SEZ6L2: variants seen among roughly 807,000 people sequenced by gnomAD.
SEZ6L2 encodes the protein seizure 6-like protein 2.
Under a neutral mutation model 97.0 loss-of-function variants are expected in SEZ6L2, and 44 were observed. The observed-to-expected ratio is 0.45, with a 90% CI of 0.36 to 0.58. The LOEUF (loss-of-function observed/expected upper bound fraction) is 0.58, where lower values mean the gene tolerates loss of function less well. Ranked by LOEUF, SEZ6L2 falls within the 20% of genes least tolerant of loss-of-function variation. The pLI, the probability that SEZ6L2 is intolerant of heterozygous loss-of-function variation, is 0.00. For synonymous variants in SEZ6L2, 543 were observed against 546.1 expected, an observed-to-expected ratio of 0.99 and a Z score of 0.08; for missense variants, 1,086 against 1,233.3, an observed-to-expected ratio of 0.88 and a Z score of 1.79.
At position 29,879,859 on chromosome 16, in the gene SEZ6L2, C is replaced by G. The variant is rs200108082; in HGVS notation, c.1573+5G>C. The G allele has an allele frequency of 6.3e-7, 1 of 1,586,986 alleles. No individual in the cohort carries two copies. The highest frequency in any genetic ancestry group is 8.6e-7 in the Non-Finnish European group (1 of 1,162,870). ...AAGGACATGCCTGCGACAAGGAAGG[C>G]TCACCTTTGCAGGCCGGCTCTGTGT... On this transcript the variant is annotated splice_donor_5th_base_variant and intron_variant, in intron 9 of 17. Coordinates refer to ENST00000617533, the MANE Select transcript of SEZ6L2 (RefSeq NM_001243332.2).
intron 11 of SEZ6L2, 23 bp downstream of exon 11, chr16:29,877,248 C>G: frequency 6.5e-7 from 1 of 1,531,108 alleles, no homozygotes; most frequent in Non-Finnish European, 8.8e-7. Flanking sequence ...CCCTGCCCAT[C>G]CCGGGACTCT....
intron 12 of SEZ6L2, among the ~76,000 whole-genome samples, chr16:29,874,929 C>T (rs1037313654): frequency 4.6e-5 from 7 of 151,980 alleles, no homozygotes; most frequent in African/African-American, 1.7e-4. Context: ...AGCTGGAATG[C>T]AGTGGTGAGA....
Position 29,876,424 on chromosome 16 carries a change from T to G in SEZ6L2, c.2104+332A>C, listed in dbSNP as rs1293013851. Among the ~76,000 whole-genome samples the G allele has an allele frequency of 6.6e-6, 1 of 151,576 alleles. No individual in the cohort carries two copies. Among genetic ancestry groups the G allele is most frequent in the Non-Finnish European group, 1.5e-5 (1 of 67,932 alleles). ...AGTGGGAACCTGGTCGGAGCCCTTT[T>G]AGGGGCCAAACTCAGATGCCGCAGA... On this transcript the variant is annotated intron_variant, in intron 12 of 17. Coordinates refer to ENST00000617533, the MANE Select transcript of SEZ6L2 (RefSeq NM_001243332.2). This position sits in a 1 kb window ranked among gnomAD's most constrained non-coding sequence, Gnocchi z 6.5.
chr16:29,879,981 G>A lies in SEZ6L2; in HGVS notation c.1456C>T (p.Leu486=), dbSNP rs1037484682. The A allele has an allele frequency of 1.2e-6, 2 of 1,614,222 alleles. No homozygotes were observed. The highest frequency in any genetic ancestry group is 1.7e-6 in the Non-Finnish European group (2 of 1,180,044). Residue 486 remains leucine, a synonymous_variant, in exon 9 of 18, where the codon CTG becomes TTG. Transcript: ENST00000617533. ...CCTGGGAGGCACGAGAAGGTTGCCA[G>A]TGCCCCTGGGCGATACTCAGGGTCC... is the stretch of plus-strand genomic sequence containing the variant. ...TTDPEYRPGA[L]ATFSCLPGYA... is the part of the protein sequence containing the mutation.
intron 7 of SEZ6L2, 150 bp from the exon 8 acceptor site, chr16:29,885,899 A>C: frequency 1.5e-6 from 1 of 653,352 alleles, no homozygotes. Context: ...ATTCTATCTC[A>C]TTTAATTTTC....
intron 3 of SEZ6L2, 136 bp from the exon 4 acceptor site, chr16:29,895,996 T>C (rs2068379700): frequency 6.5e-6 from 6 of 930,092 alleles, no homozygotes; most frequent in Non-Finnish European, 9.4e-6. Flanking sequence ...AGGGTCTCGC[T>C]CTGTCACCCA....
intron 12 of SEZ6L2, among the ~76,000 whole-genome samples, chr16:29,875,286 G>A (rs1313703224): frequency 1.3e-5 from 2 of 152,184 alleles, no homozygotes; most frequent in Non-Finnish European, 2.9e-5. Context: ...ATTCAGCCAG[G>A]GAGTGGCAGA....
In SEZ6L2 at chr16:29,873,659, A is replaced by C; in HGVS notation, c.2175T>G (p.Val725=). The C allele has an allele frequency of 6.2e-7, 1 of 1,613,632 alleles. No homozygotes were observed. Among genetic ancestry groups the C allele is most frequent in the Non-Finnish European group, 8.5e-7 (1 of 1,179,884 alleles). Residue 725 remains valine, a synonymous_variant, in exon 13 of 18, where the codon GTT becomes GTG. Transcript: ENST00000617533. This position sits in a 1 kb window ranked among gnomAD's most constrained non-coding sequence, Gnocchi z 4.3. Reference sequence around the variant, plus strand: ...GGCAGCGGTACTGGACGTGGGAGCCAACGGGGAAGCCGGCGTCCGAGGCGG... The same window carrying C: ...GGCAGCGGTACTGGACGTGGGAGCCCACGGGGAAGCCGGCGTCCGAGGCGG... ...HRTASDAGFP[V]GSHVQYRCLP...
chr16:29,895,041 T>C (rs2068350162), intron 5 of SEZ6L2, among the ~76,000 whole-genome samples: 1 of 151,900 alleles, frequency 6.6e-6, no homozygotes, highest in African/African-American at 2.4e-5. Flanking sequence ...TAGCTGGGCA[T>C]GGTGGCGGGC....
chr16:29,897,847 C>T lies in SEZ6L2; in HGVS notation c.211+6G>A, dbSNP rs771527509. Reference sequence around the variant, plus strand: ...TAGGCCACTCCTGCCACTCTGGGGGCCTCACCTGGCAGGTAGCCCATCTCT... The same window carrying T: ...TAGGCCACTCCTGCCACTCTGGGGGTCTCACCTGGCAGGTAGCCCATCTCT... On this transcript the variant is annotated splice_donor_region_variant and intron_variant, in intron 2 of 17. Coordinates refer to ENST00000617533, the MANE Select transcript of SEZ6L2 (RefSeq NM_001243332.2). 1.9e-6 allele frequency: 3 copies of T among 1,598,622 alleles called. No individual in the cohort carries two copies. The highest frequency in any genetic ancestry group is 3.7e-5 in the Admixed American group (2 of 54,006).
At chr16:29,871,832 C>A in intron 17 of SEZ6L2, 104 bp from the exon 18 acceptor site, 1 of 1,005,146 alleles carries the variant, frequency 9.9e-7, no homozygotes, top group Non-Finnish European at 1.5e-6. Flanking sequence ...GTAACATTGA[C>A]CTCTAGGGGC....
Position 29,872,440 on chromosome 16 carries a change from G to A in SEZ6L2, c.2614C>T (p.Leu872Phe). 1 of 1,614,216 alleles carries A rather than the reference G, an allele frequency of 6.2e-7. No individual in the cohort carries two copies. The highest frequency in any genetic ancestry group is 8.5e-7 in the Non-Finnish European group (1 of 1,180,034). ...TAGTAGATGTAAACGCCACTGCCGAGGACAATGACCAAGCCTAGAGGCAGC... is the reference window on the plus strand; with the variant it reads ...TAGTAGATGTAAACGCCACTGCCGAAGACAATGACCAAGCCTAGAGGCAGC... ...ILLPLGLVIVLGSGVYIYYTK... is the reference protein window; with the variant it reads ...ILLPLGLVIVFGSGVYIYYTK... Residue 872 changes from leucine to phenylalanine, a missense_variant, in exon 16 of 18, where the codon CTC (leucine) becomes TTC (phenylalanine). Coordinates refer to ENST00000617533, the MANE Select transcript of SEZ6L2 (RefSeq NM_001243332.2).
chr16:29,882,796 A>G (rs973038969), intron 8 of SEZ6L2, among the ~76,000 whole-genome samples: 1 of 151,990 alleles, frequency 6.6e-6, no homozygotes, highest in East Asian at 1.9e-4. Context: ...AGGTCTTGCT[A>G]TGTTGCCCAG....
At chr16:29,874,696 G>T (rs774220988) in intron 12 of SEZ6L2, among the ~76,000 whole-genome samples, 1 of 150,212 alleles carries the variant, frequency 6.7e-6, no homozygotes, top group East Asian at 2.0e-4. Flanking sequence ...TCAGCCTCCC[G>T]AGTAGCTGCG....
intron 14 of SEZ6L2, 77 bp from the exon 15 acceptor site, chr16:29,872,820 G>A: frequency 1.6e-6 from 2 of 1,261,124 alleles, no homozygotes. Context: ...GGAGCCCGGT[G>A]GGGCTGGGCT....
chr16:29,892,515 C>T (rs2068290881), intron 5 of SEZ6L2, among the ~76,000 whole-genome samples: 1 of 152,228 alleles, frequency 6.6e-6, no homozygotes, highest in Non-Finnish European at 1.5e-5. Flanking sequence ...AAATACACGT[C>T]CCCCAGCTTG....
chr16:29,885,101 G>C (rs913896247), intron 8 of SEZ6L2, among the ~76,000 whole-genome samples: 1 of 152,150 alleles, frequency 6.6e-6, no homozygotes, highest in Non-Finnish European at 1.5e-5. Context: ...CCAGCTACTC[G>C]GGAGGCTGAG....
chr16:29,879,795 C>A, intron 9 of SEZ6L2, 69 bp downstream of exon 9: 2 of 1,401,376 alleles, frequency 1.4e-6, no homozygotes, highest in Non-Finnish European at 9.7e-7. Context: ...TTCTGAACGG[C>A]CTTGCTGGGA....
Position 29,873,816 on chromosome 16 carries a change from AT to A in SEZ6L2, c.2105-88del. ...CAGAGAGACCCCATCTCTACAAAAAATTGAAAAATTAGCCAGGAGTGGTGGC... is the reference window on the plus strand; with the variant it reads ...CAGAGAGACCCCATCTCTACAAAAAATGAAAAATTAGCCAGGAGTGGTGGC... On this transcript the variant is annotated intron_variant, in intron 12 of 17. Coordinates refer to ENST00000617533, the MANE Select transcript of SEZ6L2 (RefSeq NM_001243332.2). The surrounding 1 kb of genome is among the most constrained non-coding windows in gnomAD (Gnocchi z 4.3). 1 of 1,283,856 alleles carries A rather than the reference AT, an allele frequency of 7.8e-7. No homozygotes were observed. 79.5% of individuals were successfully genotyped at this position (1,283,856 alleles called of 1,614,324 possible). A position where few individuals can be genotyped will look rare whatever the true frequency, so the allele number is the denominator to read the frequency against.
Sources: allele counts gnomAD v4.1 joint callset (sites outside exome capture counted in the v4.1 genomes callset), GRCh38; gene constraint gnomAD v4.1.1; non-coding constraint Gnocchi (gnomAD v3.1); transcripts MANE v1.5; gene names NCBI Gene and HGNC (gene_info 2026-07-23, HGNC 2026-07-21).